RAD18: variants seen among roughly 807,000 people sequenced by gnomAD.
RAD18 encodes RAD18 E3 ubiquitin protein ligase, also known as E3 ubiquitin-protein ligase RAD18.
RAD18 carries 47 observed loss-of-function variants against 60.4 expected under a neutral mutation model. The observed-to-expected ratio is 0.78, with a 90% CI of 0.62 to 0.99. The LOEUF is 0.99. Among genes scored for constraint, RAD18 ranks in the 50% least tolerant of loss-of-function variants. The pLI is 0.00. For synonymous variants in RAD18, 225 were observed against 195.5 expected (o/e 1.15, Z -1.26); for missense variants, 640 against 593.3 (o/e 1.08, Z -0.82).
chr3:8,879,663 A>C lies in RAD18; in HGVS notation c.*1694T>G, dbSNP rs1235381540. The stretch of plus-strand genomic sequence containing the variant: ...ACCCTCCACCTCCAAAAGTGTCTCC[A>C]CACATTGCCAGCTGTCTCCTGGGGG... On this transcript the variant is annotated 3_prime_UTR_variant, in exon 13 of 13. Coordinates refer to ENST00000264926, the MANE Select transcript of RAD18 (RefSeq NM_020165.4). The C allele has an allele frequency of 1.3e-5, 2 of 152,280 alleles. No individual in the cohort carries two copies. Among genetic ancestry groups the C allele is most frequent in the African/African-American group, 4.8e-5 (2 of 41,432 alleles). 9.4% of individuals were successfully genotyped at this position (152,280 alleles called of 1,614,324 possible).
intron 10 of RAD18, among the ~76,000 whole-genome samples, chr3:8,900,464 T>C (rs1283913602): frequency 5.3e-5 from 8 of 152,208 alleles, no homozygotes; most frequent in Non-Finnish European, 1.0e-4. Flanking sequence ...CTTCTTCCAC[T>C]CTTACATACA....
At chr3:8,957,719 A>C (rs1312459462) in intron 2 of RAD18, among the ~76,000 whole-genome samples, 1 of 152,338 alleles carries the variant, frequency 6.6e-6, no homozygotes, top group Non-Finnish European at 1.5e-5. Flanking sequence ...TTCTAAGATC[A>C]ATGGAATAGA....
chr3:8,911,381 A>G (rs1042872892), intron 9 of RAD18, among the ~76,000 whole-genome samples: 2 of 152,260 alleles, frequency 1.3e-5, no homozygotes, highest in Middle Eastern at 3.4e-3. Context: ...TTATTTTTCC[A>G]GGCCAATTCA....
rs1046130567 is a variant in RAD18, at chr3:8,963,435, T to G, written c.-50A>C. On this transcript the variant is annotated 5_prime_UTR_variant, in exon 1 of 13. Coordinates refer to ENST00000264926, the MANE Select transcript of RAD18 (RefSeq NM_020165.4). ...TCAGCCACCCACTAGCCTCCGGCGC[T>G]CCAACACCACTCGAAATTCCCCGCG... The G allele has an allele frequency of 1.3e-6, 2 of 1,495,394 alleles. No individual in the cohort carries two copies. The highest frequency in any genetic ancestry group is 1.8e-6 in the Non-Finnish European group (2 of 1,097,822). The allele number at this position is 1,495,394 out of a possible 1,614,324, so 92.6% of individuals were successfully genotyped here. A position where few individuals can be genotyped will look rare whatever the true frequency, so the allele number is the denominator to read the frequency against.
At chr3:8,931,876 G>A (rs1402483729) in intron 7 of RAD18, among the ~76,000 whole-genome samples, 2 of 152,126 alleles carry the variant, frequency 1.3e-5, no homozygotes, top group African/African-American at 4.8e-5. Flanking sequence ...TGACAATGAG[G>A]GCAAAGTAAT....
At position 8,941,808 on chromosome 3, in the gene RAD18, G is replaced by A; in HGVS notation, c.267-4C>T. The A allele has an allele frequency of 6.2e-7, 1 of 1,600,250 alleles. No homozygotes were observed. ...AGCAAACTGCAGCAGATGATTCCTT[G>A]AAGCACAAAGAACACAACAGACAAT... On this transcript the variant is annotated splice_polypyrimidine_tract_variant and splice_region_variant and intron_variant, in intron 4 of 12. Transcript: ENST00000264926.
chr3:8,959,785 G>A (rs1177096395), intron 1 of RAD18, among the ~76,000 whole-genome samples: 3 of 151,310 alleles, frequency 2.0e-5, no homozygotes, highest in Non-Finnish European at 4.4e-5. Context: ...GGAAGCTCTC[G>A]ACGGGAGGAT....
chr3:8,922,413 G>T (rs1485977874), intron 7 of RAD18, among the ~76,000 whole-genome samples: 5 of 151,996 alleles, frequency 3.3e-5, no homozygotes, highest in African/African-American at 1.2e-4. Flanking sequence ...ATTGCTGGAG[G>T]CTGGGAAGCT....
chr3:8,959,285 G>A (rs994398664), intron 1 of RAD18, among the ~76,000 whole-genome samples: 1 of 152,196 alleles, frequency 6.6e-6, no homozygotes, highest in Non-Finnish European at 1.5e-5. Context: ...TCACATAAGG[G>A]CTACTGTACT....
chr3:8,910,175 T>C (rs947961870), intron 9 of RAD18, among the ~76,000 whole-genome samples: 1 of 152,206 alleles, frequency 6.6e-6, no homozygotes, highest in African/African-American at 2.4e-5. Context: ...GGAGAGACGT[T>C]CTTGAGAAAA....
intron 7 of RAD18, among the ~76,000 whole-genome samples, chr3:8,914,056 T>TA (rs375644913): frequency 7.7e-4 from 117 of 152,296 alleles, no homozygotes; most frequent in African/African-American, 2.8e-3. Flanking sequence ...TGAGTTCAAT[T>TA]ATTAGGGGAT....
intron 3 of RAD18, among the ~76,000 whole-genome samples, chr3:8,948,162 C>T (rs1940865821): frequency 6.6e-6 from 1 of 152,206 alleles, no homozygotes; most frequent in Admixed American, 6.5e-5. Context: ...TATTTACCTT[C>T]TGCACAAATA....
At chr3:8,947,476 T>A (rs1940856846) in intron 3 of RAD18, among the ~76,000 whole-genome samples, 186 bp from the exon 4 acceptor site, 1 of 152,206 alleles carries the variant, frequency 6.6e-6, no homozygotes, top group African/African-American at 2.4e-5. Flanking sequence ...TGAATCAGTA[T>A]CTGCTGACTG....
rs45511601 is a variant in RAD18 at position 8,947,585 on chromosome 3, T to C, written c.196-295A>G. Among the ~76,000 whole-genome samples the C allele has an allele frequency of 7.4e-3, 1,125 of 152,308 alleles. 17 individuals carry two copies. The highest frequency in any genetic ancestry group is 0.026 in the African/African-American group (1,060 of 41,566). ...TATAAGCAAGAATCTTTCTTCAAAA[T>C]GCCAGCACTCAGCTTTCTCAGAAAT... On this transcript the variant is annotated intron_variant, in intron 3 of 12. Coordinates refer to ENST00000264926, the MANE Select transcript of RAD18 (RefSeq NM_020165.4).
intron 7 of RAD18, among the ~76,000 whole-genome samples, chr3:8,922,857 T>G (rs1378254078): frequency 2.0e-5 from 3 of 152,248 alleles, no homozygotes; most frequent in Admixed American, 2.0e-4. Flanking sequence ...CTGAGGGTCC[T>G]GACTGTTAGA....
chr3:8,897,650 G>A (rs1006719226), intron 11 of RAD18, among the ~76,000 whole-genome samples: 1 of 152,144 alleles, frequency 6.6e-6, no homozygotes, highest in Non-Finnish European at 1.5e-5. Flanking sequence ...AATCAAATGG[G>A]TGTCTCTCTT....
chr3:8,958,514 G>A (rs1941046528), intron 2 of RAD18, among the ~76,000 whole-genome samples: 1 of 152,156 alleles, frequency 6.6e-6, no homozygotes, highest in African/African-American at 2.4e-5. Flanking sequence ...TTCTCCCACT[G>A]GGGCAATATT....
At chr3:8,892,853 T>A (rs909994042) in intron 11 of RAD18, among the ~76,000 whole-genome samples, 1 of 152,230 alleles carries the variant, frequency 6.6e-6, no homozygotes, top group Admixed American at 6.5e-5. Context: ...CAAAGTTAAG[T>A]TGAGGTCCCA....
Position 8,941,686 on chromosome 3 carries a change from C to G in RAD18, c.385G>C (p.Gly129Arg). The stretch of plus-strand genomic sequence containing the variant: ...AAGAAATTATCCATTAACCTGCTCC[C>G]CTGCTTTAAAGACTGTCTGGAGGCT... ...PVASRQSLKQGSRLMDNFLIR... is the reference protein window; with the variant it reads ...PVASRQSLKQRSRLMDNFLIR... The change falls in exon 5 of 13, where the codon GGG becomes CGG. Residue 129 changes from glycine to arginine, a missense_variant. Coordinates refer to ENST00000264926, the MANE Select transcript of RAD18 (RefSeq NM_020165.4). The G allele has an allele frequency of 6.2e-7, 1 of 1,614,136 alleles. No individual in the cohort carries two copies. Among genetic ancestry groups the G allele is most frequent in the South Asian group, 1.1e-5 (1 of 91,082 alleles).
Sources: allele counts gnomAD v4.1 joint callset (sites outside exome capture counted in the v4.1 genomes callset), GRCh38; gene constraint gnomAD v4.1.1; transcripts MANE v1.5; gene names NCBI Gene and HGNC (gene_info 2026-07-23, HGNC 2026-07-21).